Variants in SLC37A1 observed in about 807,000 individuals in gnomAD.
SLC37A1 encodes glucose-6-phosphate exchanger SLC37A1.
SLC37A1 carries 49 observed loss-of-function variants against 75.3 expected under a neutral mutation model. The ratio of observed to expected loss-of-function variants is 0.65; its 90% confidence interval spans 0.52 to 0.83. The LOEUF (loss-of-function observed/expected upper bound fraction) is 0.83, where lower values mean the gene tolerates loss of function less well. SLC37A1 is among the 40% of genes least tolerant of loss of function. The pLI is 0.00. For synonymous variants in SLC37A1, 268 were observed against 292.1 expected (o/e 0.92, Z 0.84); for missense variants, 566 against 695.0 (o/e 0.81, Z 2.09).
intron 17 of SLC37A1, among the ~76,000 whole-genome samples, chr21:42,570,080 G>GTGACACA (rs1259953592): frequency 9.2e-6 from 1 of 109,218 alleles, no homozygotes; most frequent in African/African-American, 3.0e-5. Context: ...GCCATGTCAT[G>GTGACACA]CGACACACGG....
At chr21:42,504,505 C>A (rs2054366963) in intron 2 of SLC37A1, among the ~76,000 whole-genome samples, 1 of 152,018 alleles carries the variant, frequency 6.6e-6, no homozygotes, top group Non-Finnish European at 1.5e-5. Flanking sequence ...TATCTTAAGT[C>A]ATGCACATAT....
At position 42,514,965 on chromosome 21, in the gene SLC37A1, C is replaced by G. The variant is rs2054494777; in HGVS notation, c.-179+248C>G. Reference sequence around the variant, plus strand: ...GTGGATAAATATTTTAGACTTCCCCCGTTGTTTTTTTATTAATCCCCTTTG... The same window carrying G: ...GTGGATAAATATTTTAGACTTCCCCGGTTGTTTTTTTATTAATCCCCTTTG... On this transcript the variant is annotated intron_variant, in intron 1 of 19. Transcript: ENST00000352133. This position sits in a 1 kb window ranked among gnomAD's most constrained non-coding sequence, Gnocchi z 4.8. The G allele has an allele frequency of 6.6e-6, 1 of 152,262 alleles. No individual in the cohort carries two copies. The highest frequency in any genetic ancestry group is 2.4e-5 in the African/African-American group (1 of 41,454). 9.4% of individuals were successfully genotyped at this position (152,262 alleles called of 1,614,324 possible).
Position 42,580,438 on chromosome 21 carries a change from C to T in SLC37A1, c.*78C>T. On this transcript the variant is annotated 3_prime_UTR_variant, in exon 20 of 20. Transcript: ENST00000352133. ...TTTCAAGGACAGTTCAGACAAAGGG[C>T]CCTGCATGGAAAGAGTGACCTCCCT... 2.7e-6 allele frequency: 4 copies of T among 1,505,750 alleles called. No homozygotes were observed. The highest frequency in any genetic ancestry group is 2.0e-5 in the Admixed American group (1 of 51,012). 93.3% of individuals were successfully genotyped at this position (1,505,750 alleles called of 1,614,324 possible).
At chr21:42,522,104 C>T (rs962635457) in intron 2 of SLC37A1, among the ~76,000 whole-genome samples, 2 of 152,170 alleles carry the variant, frequency 1.3e-5, no homozygotes, top group Non-Finnish European at 2.9e-5. Flanking sequence ...TGAGTCTTTG[C>T]GTGGCCTTCT....
chr21:42,525,019 C>T (rs1380230889), intron 2 of SLC37A1, among the ~76,000 whole-genome samples: 1 of 152,144 alleles, frequency 6.6e-6, no homozygotes, highest in Non-Finnish European at 1.5e-5. Context: ...TCTGCTCGAT[C>T]GTGCCTGTGT....
Position 42,539,611 on chromosome 21 carries a change from C to T in SLC37A1, c.450C>T (p.Tyr150=), listed in dbSNP as rs1013813978. The change falls in exon 6 of 20, where the codon TAC becomes TAT. Residue 150 remains tyrosine (Y), a synonymous_variant. Coordinates refer to ENST00000352133, the MANE Select transcript of SLC37A1 (RefSeq NM_001320537.2). ...FTALFGLGYF[Y]NIHSFGFYVV... Reference sequence around the variant, plus strand: ...CCCTGTTCGGCTTAGGGTATTTCTACAACATCCACAGTTTCGGATTCTACG... The same window carrying T: ...CCCTGTTCGGCTTAGGGTATTTCTATAACATCCACAGTTTCGGATTCTACG... The T allele has an allele frequency of 1.9e-6, 3 of 1,613,862 alleles. No homozygotes were observed. The highest frequency in any genetic ancestry group is 2.7e-5 in the African/African-American group (2 of 74,934).
At chr21:42,518,062 A>G (rs1436522829) in intron 1 of SLC37A1, among the ~76,000 whole-genome samples, 1 of 152,236 alleles carries the variant, frequency 6.6e-6, no homozygotes, top group Admixed American at 6.5e-5. Context: ...ATTCATTTCC[A>G]GGTTCTCAGA....
intron 17 of SLC37A1, among the ~76,000 whole-genome samples, chr21:42,573,076 G>A (rs1436626378): frequency 6.6e-6 from 1 of 152,166 alleles, no homozygotes; most frequent in Non-Finnish European, 1.5e-5. Context: ...GGAAGCTGGT[G>A]TCTTTCCCCA....
chr21:42,559,102 GC>G lies in SLC37A1; in HGVS notation c.981+16del, dbSNP rs1444676116. On this transcript the variant is annotated intron_variant, in intron 11 of 19. Coordinates refer to ENST00000352133, the MANE Select transcript of SLC37A1 (RefSeq NM_001320537.2). ...CTTGAAAATTCCAGTAAGTAAACGT[GC>G]CCAGGAGGAGTTTCAGAAAGGGCTG... is the stretch of plus-strand genomic sequence containing the variant. 34 of 1,605,784 alleles carry G rather than the reference GC, an allele frequency of 2.1e-5. No individual in the cohort carries two copies. Among genetic ancestry groups the G allele is most frequent in the Non-Finnish European group, 2.8e-5 (33 of 1,175,340 alleles).
chr21:42,572,695 T>TAAAAAA (rs1421400961), intron 17 of SLC37A1, among the ~76,000 whole-genome samples: 1 of 132,270 alleles, frequency 7.6e-6, no homozygotes, highest in Non-Finnish European at 1.6e-5. Flanking sequence ...AAAAAAAGAG[T>TAAAAAA]GTGTCCTGAG....
chr21:42,506,833 A>T (rs10483087), intron 2 of SLC37A1, among the ~76,000 whole-genome samples: 2 of 152,110 alleles, frequency 1.3e-5, no homozygotes, highest in South Asian at 4.1e-4. Context: ...CTGATACTCA[A>T]AAACATGATC....
At chr21:42,543,903 C>T (rs1464498009) in intron 8 of SLC37A1, among the ~76,000 whole-genome samples, 2 of 152,240 alleles carry the variant, frequency 1.3e-5, no homozygotes, top group African/African-American at 2.4e-5. Flanking sequence ...CATCTTCCCA[C>T]AGGCTGTTCC....
intron 10 of SLC37A1, 91 bp from the exon 11 acceptor site, chr21:42,558,867 A>T (rs2055754647): frequency 6.5e-7 from 1 of 1,535,952 alleles, no homozygotes; most frequent in East Asian, 2.3e-5. Flanking sequence ...GCCGCCAGGC[A>T]CCCTCGTCAT....
chr21:42,567,394 C>CT (rs2056008446), intron 16 of SLC37A1, among the ~76,000 whole-genome samples: 2 of 152,328 alleles, frequency 1.3e-5, no homozygotes, highest in South Asian at 4.1e-4. Flanking sequence ...CGAAGAGGCG[C>CT]TGGGGGATTC....
At chr21:42,554,239 G>A in intron 10 of SLC37A1, 97 bp downstream of exon 10, 6 of 1,027,696 alleles carry the variant, frequency 5.8e-6, no homozygotes, top group Non-Finnish European at 8.6e-6. Flanking sequence ...TATGTGACAT[G>A]TGTCACAAAC....
upstream of SLC37A1, among the ~76,000 whole-genome samples, chr21:42,513,185 T>G (rs949475234): frequency 6.6e-6 from 1 of 151,956 alleles, no homozygotes; most frequent in Non-Finnish European, 1.5e-5. Flanking sequence ...GGCCCCTCCC[T>G]GGGGCTGCCT....
chr21:42,557,499 G>A (rs149340132), intron 10 of SLC37A1, among the ~76,000 whole-genome samples: 55 of 152,400 alleles, frequency 3.6e-4, no homozygotes, highest in African/African-American at 1.3e-3. Context: ...TTAGGCATCT[G>A]CACTCAGCCT....
At chr21:42,550,238 T>C (rs2055523409) in intron 9 of SLC37A1, among the ~76,000 whole-genome samples, 1 of 152,124 alleles carries the variant, frequency 6.6e-6, no homozygotes, top group Non-Finnish European at 1.5e-5. Flanking sequence ...TGACCAAGAA[T>C]AAAGGAGGAC....
At chr21:42,518,223 G>A (rs2054560317) in intron 1 of SLC37A1, 54 bp from the exon 2 acceptor site, 1 of 551,106 alleles carries the variant, frequency 1.8e-6, no homozygotes, top group African/African-American at 1.9e-5. Context: ...CAGTAACGCT[G>A]AAGGTGTGAA....
Sources: gnomAD v4.1 joint callset for allele counts (sites outside exome capture counted in the v4.1 genomes callset) on GRCh38, gnomAD v4.1.1 for gene constraint, Gnocchi (gnomAD v3.1) non-coding constraint, MANE v1.5 for transcripts, NCBI Gene and HGNC (gene_info 2026-07-23, HGNC 2026-07-21) for gene names.